Variants in MYT1L observed in about 807,000 individuals in gnomAD.
MYT1L encodes myelin transcription factor 1-like protein.
In MYT1L, 12 loss-of-function variants were observed where a neutral mutation model predicts 126.7. The observed-to-expected ratio is 0.09, with a 90% CI of 0.06 to 0.15. MYT1L has a LOEUF of 0.15. Among genes scored for constraint, MYT1L ranks in the 10% least tolerant of loss-of-function variants. The probability of loss-of-function intolerance (pLI) is 1.00; values close to 1 mark genes in which losing one functional copy is unlikely to be tolerated. For missense variants in MYT1L, 979 were observed against 1,585.2 expected (o/e 0.62, Z 6.49); for synonymous variants, 541 against 604.2 (o/e 0.90, Z 1.53).
chr2:1,970,606 C>T (rs1413499561), intron 8 of MYT1L, among the ~76,000 whole-genome samples: 1 of 152,200 alleles, frequency 6.6e-6, no homozygotes, highest in African/African-American at 2.4e-5. Flanking sequence ...TTCCCGGGGG[C>T]TCTGTGGTTG....
chr2:2,299,795 G>C (rs557224119), intron 1 of MYT1L, among the ~76,000 whole-genome samples: 1 of 152,260 alleles, frequency 6.6e-6, no homozygotes, highest in African/African-American at 2.4e-5. Context: ...CAAAATGATT[G>C]TTTGAAACAT....
intron 11 of MYT1L, among the ~76,000 whole-genome samples, chr2:1,915,284 G>A (rs144556791): frequency 3.3e-4 from 51 of 152,260 alleles, no homozygotes; most frequent in African/African-American, 1.1e-3. Context: ...ATAAAGAATC[G>A]CACAGGAGCA....
chr2:2,163,159 G>A (rs930987475), intron 3 of MYT1L, among the ~76,000 whole-genome samples: 8 of 152,090 alleles, frequency 5.3e-5, no homozygotes, highest in Admixed American at 5.2e-4. Context: ...AATGAGCATT[G>A]TTTAAAGAAC....
At chr2:1,881,353 T>TGTG (rs1344449685) in intron 18 of MYT1L, among the ~76,000 whole-genome samples, 61 of 132,776 alleles carry the variant, frequency 4.6e-4, no homozygotes, top group African/African-American at 1.6e-3. Flanking sequence ...GGTTTGCAGG[T>TGTG]TCGTGTGTGT....
intron 8 of MYT1L, among the ~76,000 whole-genome samples, chr2:1,959,746 C>T (rs191635413): frequency 6.6e-6 from 1 of 152,316 alleles, no homozygotes; most frequent in Admixed American, 6.5e-5. Flanking sequence ...GATAGAGATG[C>T]TGCACATTCT....
At chr2:2,306,737 C>T (rs949966361) in intron 1 of MYT1L, among the ~76,000 whole-genome samples, 4 of 152,190 alleles carry the variant, frequency 2.6e-5, no homozygotes, top group Admixed American at 6.5e-5. Flanking sequence ...GAGAGTTCCA[C>T]ATTCAGTCCT....
chr2:1,957,804 G>A (rs554998735), intron 8 of MYT1L, among the ~76,000 whole-genome samples: 1 of 151,736 alleles, frequency 6.6e-6, no homozygotes, highest in African/African-American at 2.4e-5. Flanking sequence ...CAGTCTCCAG[G>A]GAGCACCAGA....
intron 2 of MYT1L, among the ~76,000 whole-genome samples, chr2:2,195,643 C>T (rs962054649): frequency 3.3e-5 from 5 of 152,066 alleles, no homozygotes; most frequent in Non-Finnish European, 1.5e-5. Flanking sequence ...AATTTAAACT[C>T]ATTATGATGA....
chr2:1,947,016 C>T (rs560048097), intron 8 of MYT1L, among the ~76,000 whole-genome samples: 4 of 152,292 alleles, frequency 2.6e-5, no homozygotes, highest in Non-Finnish European at 5.9e-5. Flanking sequence ...GAGCTTTTCC[C>T]AGCTTCCTTC....
chr2:1,858,749 CT>C (rs2044218355), intron 18 of MYT1L, among the ~76,000 whole-genome samples: 1 of 152,222 alleles, frequency 6.6e-6, no homozygotes, highest in Non-Finnish European at 1.5e-5. Flanking sequence ...ATTTTGTCTT[CT>C]TTTGGAATTC....
At chr2:1,911,962 G>C (rs868375689) in intron 12 of MYT1L, 58 bp downstream of exon 12, 2 of 1,357,668 alleles carry the variant, frequency 1.5e-6, no homozygotes, top group Non-Finnish European at 1.0e-6. Flanking sequence ...CCAGGAAGGA[G>C]AAGGCATGGA....
intron 13 of MYT1L, among the ~76,000 whole-genome samples, chr2:1,903,802 G>A (rs1201475250): frequency 6.6e-6 from 1 of 152,116 alleles, no homozygotes; most frequent in Non-Finnish European, 1.5e-5. Context: ...AGGTGGTAAT[G>A]TACCTTGTCA....
In MYT1L at chr2:2,109,878, TATATATA is replaced by T. The variant is rs1484462357; in HGVS notation, c.-303-55762_-303-55756del. Among the ~76,000 whole-genome samples, 7 of 15,654 alleles carry T rather than the reference TATATATA, an allele frequency of 4.5e-4. 1 individual carries two copies. The highest frequency in any genetic ancestry group is 9.9e-4 in the African/African-American group (4 of 4,028). 10.3% of individuals were successfully genotyped at this position (15,654 alleles called of 152,430 possible). Reference sequence around the variant, plus strand: ...AAGATTCACAAAAGTGCTGATTTTATATATATATATATATATATATATATATATATAT... The same window carrying T: ...AAGATTCACAAAAGTGCTGATTTTATTATATATATATATATATATATATAT... On this transcript the variant is annotated intron_variant, in intron 3 of 24. Transcript: ENST00000647738.
intron 8 of MYT1L, among the ~76,000 whole-genome samples, chr2:1,956,262 TTCTATCTG>T (rs960106004): frequency 2.9e-5 from 4 of 139,106 alleles, no homozygotes; most frequent in African/African-American, 1.2e-4. Context: ...ATATTTCCTA[TTCTATCTG>T]TCTATCTACC....
chr2:1,837,100 GA>G (rs111715626), intron 21 of MYT1L, among the ~76,000 whole-genome samples: 13,203 of 152,136 alleles, frequency 0.087, 1,003 homozygotes, highest in African/African-American at 0.2. Context: ...CTCCCCCATG[GA>G]AAAAGGGGCA....
intron 3 of MYT1L, among the ~76,000 whole-genome samples, chr2:2,129,726 G>A (rs1030197436): frequency 6.6e-6 from 1 of 152,080 alleles, no homozygotes; most frequent in Non-Finnish European, 1.5e-5. Context: ...CTAACACGGT[G>A]AAACCCCATC....
At chr2:2,302,409 C>T (rs1226877243) in intron 1 of MYT1L, among the ~76,000 whole-genome samples, 3 of 152,134 alleles carry the variant, frequency 2.0e-5, no homozygotes, top group Non-Finnish European at 2.9e-5. Context: ...TGAGTTTGTT[C>T]ATCTATATAA....
intron 1 of MYT1L, among the ~76,000 whole-genome samples, chr2:2,312,998 A>C (rs966934879): frequency 6.6e-6 from 1 of 152,180 alleles, no homozygotes; most frequent in East Asian, 1.9e-4. Flanking sequence ...GAGGATTCAA[A>C]AATTGTCAGT....
At chr2:1,974,734 C>A (rs956699440) in intron 8 of MYT1L, 1 of 152,168 alleles carries the variant, frequency 6.6e-6, no homozygotes, top group African/African-American at 2.4e-5. Flanking sequence ...CTCTGTCCTT[C>A]GCCTTTCTCA....
Sources: gnomAD v4.1 joint callset for allele counts (sites outside exome capture counted in the v4.1 genomes callset) on GRCh38, gnomAD v4.1.1 for gene constraint, MANE v1.5 for transcripts, NCBI Gene and HGNC (gene_info 2026-07-23, HGNC 2026-07-21) for gene names.